The following PSD3 variants were observed in gnomAD, a reference collection of about 807,000 sequenced individuals.
PSD3 encodes the protein PH and SEC7 domain-containing protein 3.
PSD3 carries 49 observed loss-of-function variants against 105.5 expected under a neutral mutation model. The observed-to-expected ratio is 0.46, with a 90% CI of 0.37 to 0.59. The LOEUF (loss-of-function observed/expected upper bound fraction) is 0.59. PSD3 is among the 20% of genes least tolerant of loss of function. The pLI is 0.00. For synonymous variants in PSD3, 557 were observed against 457.8 expected, an observed-to-expected ratio of 1.22 and a Z score of -2.77; for missense variants, 1,561 against 1,263.8, an observed-to-expected ratio of 1.24 and a Z score of -3.57.
intron 4 of PSD3, among the ~76,000 whole-genome samples, chr8:18,813,453 C>T (rs949762161): frequency 1.3e-5 from 2 of 152,276 alleles, no homozygotes; most frequent in South Asian, 4.1e-4. Flanking sequence ...TGGAGGGAAT[C>T]ACCTGGGAGA....
At chr8:18,804,422 TA>T (rs59596734) in intron 6 of PSD3, 99 bp downstream of exon 6, 359,552 of 929,302 alleles carry the variant, frequency 0.39, 53,808 homozygotes, top group African/African-American at 0.65. Context: ...CATGGAGGTT[TA>T]AAAAAAAAAA....
intron 1 of PSD3, among the ~76,000 whole-genome samples, chr8:18,963,085 T>C (rs1255868087): frequency 6.6e-6 from 1 of 152,168 alleles, no homozygotes; most frequent in Non-Finnish European, 1.5e-5. Flanking sequence ...ACTTCTTACA[T>C]GGCAGCGGCA....
At chr8:18,899,042 C>A (rs983448129) in intron 2 of PSD3, among the ~76,000 whole-genome samples, 3 of 152,186 alleles carry the variant, frequency 2.0e-5, no homozygotes. Context: ...GAAGGGTCAA[C>A]ATCATAAAAG....
At chr8:18,789,270 T>C (rs1302855519) in intron 8 of PSD3, among the ~76,000 whole-genome samples, 2 of 152,174 alleles carry the variant, frequency 1.3e-5, no homozygotes, top group Non-Finnish European at 2.9e-5. Context: ...ACAGTAGAGT[T>C]TTCTAGAAGA....
rs747358772 is a variant in PSD3, at chr8:18,919,792, T to C, written c.130+16242A>G. 1.2e-4 allele frequency among the ~76,000 whole-genome samples: 17 copies of C among 138,978 alleles called. 1 individual carries two copies. The East Asian group carries it at 1.7e-3, about 14-fold the overall frequency. 91.2% of individuals were successfully genotyped at this position (138,978 alleles called of 152,430 possible). ...GCATATTCTCACTCATAGATGGGAATTGAACAATGAGATCACATGGACACA... is the reference window on the plus strand; with the variant it reads ...GCATATTCTCACTCATAGATGGGAACTGAACAATGAGATCACATGGACACA... On this transcript the variant is annotated intron_variant, in intron 2 of 15. Transcript: ENST00000327040.
chr8:18,549,186 T>G (rs1023183268), intron 15 of PSD3, among the ~76,000 whole-genome samples: 1 of 150,582 alleles, frequency 6.6e-6, no homozygotes, highest in East Asian at 1.9e-4. Context: ...AGTTTTTTTT[T>G]TTTTTTTTTT....
intron 9 of PSD3, among the ~76,000 whole-genome samples, chr8:18,761,178 A>G (rs535140267): frequency 6.6e-6 from 1 of 152,308 alleles, no homozygotes; most frequent in African/African-American, 2.4e-5. Flanking sequence ...GCTGTTAACA[A>G]GGTAAAAAGG....
At chr8:18,550,862 T>C (rs558706042) in intron 15 of PSD3, among the ~76,000 whole-genome samples, 159 of 152,326 alleles carry the variant, frequency 1.0e-3, no homozygotes, top group African/African-American at 3.7e-3. Flanking sequence ...CAGATCCAGA[T>C]GTATAATCAC....
intron 1 of PSD3, among the ~76,000 whole-genome samples, chr8:18,956,048 G>C (rs1205477950): frequency 2.6e-5 from 4 of 152,272 alleles, no homozygotes; most frequent in Non-Finnish European, 5.9e-5. Flanking sequence ...GATTACAGAA[G>C]TGAGCCACCA....
At chr8:18,655,350 A>G (rs1220032113) in intron 10 of PSD3, among the ~76,000 whole-genome samples, 4 of 151,600 alleles carry the variant, frequency 2.6e-5, no homozygotes, top group Non-Finnish European at 5.9e-5. Context: ...AAAAAAAATT[A>G]AAAGACAATT....
At chr8:18,652,398 A>C (rs1239701156) in intron 10 of PSD3, among the ~76,000 whole-genome samples, 1 of 152,078 alleles carries the variant, frequency 6.6e-6, no homozygotes, top group Non-Finnish European at 1.5e-5. Flanking sequence ...TGGGTCAGAG[A>C]AAGTCTAGTT....
chr8:18,983,112 G>A (rs141418457), intron 1 of PSD3, among the ~76,000 whole-genome samples: 2 of 152,334 alleles, frequency 1.3e-5, no homozygotes, highest in Non-Finnish European at 2.9e-5. Flanking sequence ...AGCAATTGCT[G>A]CTTCACCTTT....
intron 9 of PSD3, among the ~76,000 whole-genome samples, chr8:18,759,288 G>A (rs1002737177): frequency 6.6e-6 from 1 of 152,022 alleles, no homozygotes; most frequent in Admixed American, 6.6e-5. Context: ...ATATTGATTG[G>A]TATCTGTAAG....
Position 18,798,410 on chromosome 8 carries a change from C to A in PSD3, c.2082+885G>T, listed in dbSNP as rs1411302791. ...GGTGGAACCCTTTCTCCCTGAACCC[C>A]TTCCTCTTATAACAGCTAGTCCAAC... On this transcript the variant is annotated intron_variant, in intron 8 of 15. Coordinates refer to ENST00000327040, the MANE Select transcript of PSD3 (RefSeq NM_015310.4). Among the ~76,000 whole-genome samples the A allele has an allele frequency of 2.0e-5, 3 of 152,204 alleles. No homozygotes were observed. The East Asian group carries it at 5.8e-4, about 29-fold the overall frequency.
At chr8:19,060,614 A>T (rs1002738037) in intron 1 of PSD3, among the ~76,000 whole-genome samples, 5 of 152,226 alleles carry the variant, frequency 3.3e-5, no homozygotes, top group African/African-American at 1.2e-4. Flanking sequence ...AGCCTGGGCA[A>T]CAGAGTGAGA....
At chr8:19,081,384 G>A (rs1450174352) in intron 1 of PSD3, among the ~76,000 whole-genome samples, 2 of 152,290 alleles carry the variant, frequency 1.3e-5, no homozygotes, top group Middle Eastern at 3.4e-3. Flanking sequence ...TACTTCCAAG[G>A]AAATTTTGCC....
intron 9 of PSD3, among the ~76,000 whole-genome samples, chr8:18,740,728 A>T (rs866101463): frequency 5.3e-5 from 8 of 152,332 alleles, no homozygotes; most frequent in South Asian, 2.1e-4. Flanking sequence ...GTCACATGGA[A>T]ATCCTCTCTC....
chr8:18,813,053 T>C (rs1426489887), intron 4 of PSD3, among the ~76,000 whole-genome samples: 2 of 152,042 alleles, frequency 1.3e-5, no homozygotes, highest in African/African-American at 4.8e-5. Context: ...AGTCAAGAGA[T>C]GAGAAACTAA....
At chr8:18,585,132 T>G (rs908596720) in intron 12 of PSD3, among the ~76,000 whole-genome samples, 25 of 152,172 alleles carry the variant, frequency 1.6e-4, no homozygotes, top group African/African-American at 5.5e-4. Flanking sequence ...ATGGAGGCAT[T>G]TGTCTCCTAT....
Sources: allele counts gnomAD v4.1 joint callset (sites outside exome capture counted in the v4.1 genomes callset), GRCh38; gene constraint gnomAD v4.1.1; transcripts MANE v1.5; gene names NCBI Gene and HGNC (gene_info 2026-07-23, HGNC 2026-07-21).